Variants in MEIKIN observed in about 807,000 individuals in gnomAD.
MEIKIN encodes meiosis-specific kinetochore protein.
intron 11 of MEIKIN, among the ~76,000 whole-genome samples, chr5:131,821,789 T>C (rs997683638): frequency 3.9e-5 from 6 of 151,972 alleles, no homozygotes; most frequent in African/African-American, 1.4e-4. Flanking sequence ...GGTGCCACTA[T>C]GCCTGGCTTT....
At chr5:131,873,662 A>G (rs945153597) in intron 9 of MEIKIN, among the ~76,000 whole-genome samples, 1 of 152,216 alleles carries the variant, frequency 6.6e-6, no homozygotes. Context: ...ATAGACATCT[A>G]CAGAAATCTC....
chr5:131,832,978 T>C (rs1463456404), intron 11 of MEIKIN, among the ~76,000 whole-genome samples: 4 of 152,220 alleles, frequency 2.6e-5, no homozygotes, highest in Non-Finnish European at 5.9e-5. Flanking sequence ...CCTGGAGACA[T>C]TTTCCCCATT....
intron 9 of MEIKIN, among the ~76,000 whole-genome samples, chr5:131,860,468 C>T (rs1298830394): frequency 6.6e-6 from 1 of 151,698 alleles, no homozygotes; most frequent in African/African-American, 2.4e-5. Flanking sequence ...TTTTTTGAGA[C>T]AGAGTCTTGC....
chr5:131,881,843 A>G (rs926169135), intron 8 of MEIKIN, among the ~76,000 whole-genome samples: 1 of 152,152 alleles, frequency 6.6e-6, no homozygotes, highest in African/African-American at 2.4e-5. Flanking sequence ...TGTCACCCAG[A>G]AGAGTCTTGC....
chr5:131,912,170 G>A (rs886537725), intron 7 of MEIKIN, among the ~76,000 whole-genome samples: 5 of 152,036 alleles, frequency 3.3e-5, no homozygotes, highest in African/African-American at 1.2e-4. Flanking sequence ...TCACACTTGG[G>A]TGGCCTTTGG....
chr5:131,943,522 A>G (rs1056103406), intron 3 of MEIKIN, among the ~76,000 whole-genome samples: 2 of 152,234 alleles, frequency 1.3e-5, no homozygotes, highest in Non-Finnish European at 2.9e-5. Flanking sequence ...TACAAATTAC[A>G]GTGTATCTAT....
At chr5:131,866,492 T>C (rs868561630) in intron 9 of MEIKIN, among the ~76,000 whole-genome samples, 7 of 152,174 alleles carry the variant, frequency 4.6e-5, no homozygotes, top group African/African-American at 1.4e-4. Context: ...AGCTGTGCTG[T>C]GGCCCTGCAA....
At chr5:131,836,865 GT>G (rs1421507539) in intron 11 of MEIKIN, among the ~76,000 whole-genome samples, 2 of 151,776 alleles carry the variant, frequency 1.3e-5, no homozygotes, top group African/African-American at 4.8e-5. Flanking sequence ...TCTATTGATA[GT>G]TTCTTTTGCC....
chr5:131,868,067 G>C (rs1224520830), intron 9 of MEIKIN, among the ~76,000 whole-genome samples: 1 of 152,120 alleles, frequency 6.6e-6, no homozygotes, highest in African/African-American at 2.4e-5. Context: ...ATTCTAATAG[G>C]TGTGTAATAA....
chr5:131,841,590 A>G (rs1267542505), intron 11 of MEIKIN, among the ~76,000 whole-genome samples: 1 of 152,182 alleles, frequency 6.6e-6, no homozygotes, highest in Non-Finnish European at 1.5e-5. Flanking sequence ...TTGTGGTTCC[A>G]TATGAATTTT....
intron 9 of MEIKIN, among the ~76,000 whole-genome samples, chr5:131,872,766 C>T (rs1561739804): frequency 6.6e-6 from 1 of 152,192 alleles, no homozygotes; most frequent in Non-Finnish European, 1.5e-5. Context: ...GGGTTACCCA[C>T]AAAGGGAAGC....
chr5:131,843,519 A>T (rs1477840953), intron 11 of MEIKIN, among the ~76,000 whole-genome samples: 1 of 152,232 alleles, frequency 6.6e-6, no homozygotes, highest in African/African-American at 2.4e-5. Context: ...TTGCTTAAAA[A>T]TTTCTCCCAC....
chr5:131,844,356 T>C (rs1749973066), intron 11 of MEIKIN, among the ~76,000 whole-genome samples: 1 of 152,176 alleles, frequency 6.6e-6, no homozygotes, highest in Non-Finnish European at 1.5e-5. Flanking sequence ...ACATCAGACA[T>C]TGAAGGACAG....
At chr5:131,933,665 T>C (rs750219739) in intron 4 of MEIKIN, 24 bp from the exon 5 acceptor site, 15 of 397,044 alleles carry the variant, frequency 3.8e-5, no homozygotes, top group Non-Finnish European at 6.7e-5. Context: ...GAAAAAAAAA[T>C]TGATAAATCT....
At chr5:131,893,128 G>A (rs1378555440) in intron 8 of MEIKIN, among the ~76,000 whole-genome samples, 3 of 152,260 alleles carry the variant, frequency 2.0e-5, no homozygotes, top group Middle Eastern at 3.4e-3. Flanking sequence ...TGTCAGACAG[G>A]GGCATTTAAG....
intron 7 of MEIKIN, among the ~76,000 whole-genome samples, chr5:131,914,030 G>A (rs536970641): frequency 6.6e-6 from 1 of 152,108 alleles, no homozygotes; most frequent in African/African-American, 2.4e-5. Flanking sequence ...TGGAGTAATG[G>A]ATTAATATGT....
At chr5:131,808,214 G>A (rs192119747) in intron 12 of MEIKIN, among the ~76,000 whole-genome samples, 181 of 152,258 alleles carry the variant, frequency 1.2e-3, no homozygotes, top group African/African-American at 4.3e-3. Flanking sequence ...CTCAGACACT[G>A]CTCGCTCATT....
Position 131,945,449 on chromosome 5 carries a change from G to C in MEIKIN, c.57C>G (p.Leu19=). The C allele has an allele frequency of 5.0e-6, 2 of 399,436 alleles. No homozygotes were observed. Among genetic ancestry groups the C allele is most frequent in the Non-Finnish European group, 8.8e-6 (2 of 226,226 alleles). 24.7% of individuals were successfully genotyped at this position (399,436 alleles called of 1,614,324 possible). ...GAGAGCCTAGGTCTGGCGTCGGGGTGAGATTGAGCCTCTGACCCTCCCGCT... is the reference window on the plus strand; with the variant it reads ...GAGAGCCTAGGTCTGGCGTCGGGGTCAGATTGAGCCTCTGACCCTCCCGCT... ...RKKREGQRLN[L]TPTPDLGSPA... Residue 19 remains leucine (L), a synonymous_variant, in exon 1 of 13, where the codon CTC becomes CTG. Coordinates refer to ENST00000442687, the MANE Select transcript of MEIKIN (RefSeq NM_001303622.2).
chr5:131,857,447 C>A (rs1750214472), intron 9 of MEIKIN, among the ~76,000 whole-genome samples: 1 of 152,300 alleles, frequency 6.6e-6, no homozygotes, highest in East Asian at 1.9e-4. Flanking sequence ...AACTGTAGGA[C>A]CTGGACAGAG....
Sources: gnomAD v4.1 joint callset for allele counts (sites outside exome capture counted in the v4.1 genomes callset) on GRCh38, gnomAD v4.1.1 for gene constraint, MANE v1.5 for transcripts, NCBI Gene and HGNC (gene_info 2026-07-23, HGNC 2026-07-21) for gene names.